The following DNAH2 variants were observed in gnomAD, a reference collection of about 807,000 sequenced individuals.
DNAH2 encodes dynein axonemal heavy chain 2.
Under a neutral mutation model 523.5 loss-of-function variants are expected in DNAH2, and 323 were observed. The ratio of observed to expected loss-of-function variants is 0.62; its 90% CI spans 0.56 to 0.68. DNAH2 has a LOEUF of 0.68. Among genes scored for constraint, DNAH2 ranks in the 30% least tolerant of loss-of-function variants. The probability of loss-of-function intolerance (pLI) is 0.00; values close to 1 mark genes in which losing one functional copy is unlikely to be tolerated. For missense variants in DNAH2, 4,907 were observed against 5,701.5 expected (o/e 0.86, Z 4.49); for synonymous variants, 2,093 against 2,177.4 (o/e 0.96, Z 1.08).
At chr17:7,779,128 CT>C (rs1341452621) in intron 35 of DNAH2, 114 bp from the exon 36 acceptor site, 2 of 1,260,526 alleles carry the variant, frequency 1.6e-6, no homozygotes, top group Non-Finnish European at 2.2e-6. Flanking sequence ...TCCCTGCCCC[CT>C]AGTCTGGAGG....
chr17:7,757,380 A>C, intron 13 of DNAH2, 143 bp downstream of exon 13: 1 of 1,100,348 alleles, frequency 9.1e-7, no homozygotes. Context: ...ATTGTCTCCC[A>C]CTCTTACGGC....
At chr17:7,756,487 G>A (rs2075842930) in intron 12 of DNAH2, among the ~76,000 whole-genome samples, 3 of 151,582 alleles carry the variant, frequency 2.0e-5, no homozygotes, top group Non-Finnish European at 4.4e-5. Context: ...TGTTGCCCAG[G>A]CTGGTCTCAA....
At chr17:7,747,652 T>C (rs2075555490) in intron 12 of DNAH2, among the ~76,000 whole-genome samples, 1 of 152,194 alleles carries the variant, frequency 6.6e-6, no homozygotes, top group South Asian at 2.1e-4. Context: ...AAGGCAACTT[T>C]GGGCCAAATA....
intron 61 of DNAH2, among the ~76,000 whole-genome samples, chr17:7,806,901 G>A (rs2077381802): frequency 6.6e-6 from 1 of 152,066 alleles, no homozygotes; most frequent in Non-Finnish European, 1.5e-5. Context: ...AGTGTAGGGT[G>A]GCTTGGCTGA....
Position 7,780,743 on chromosome 17 carries a change from C to T in DNAH2, c.5964C>T (p.Gly1988=). 1 of 1,614,260 alleles carries T rather than the reference C, an allele frequency of 6.2e-7. No individual in the cohort carries two copies. The highest frequency in any genetic ancestry group is 8.5e-7 in the Non-Finnish European group (1 of 1,180,052). Residue 1988 remains glycine (G), a synonymous_variant, in exon 38 of 86, where the codon GGC becomes GGT. Coordinates refer to ENST00000572933, the MANE Select transcript of DNAH2 (RefSeq NM_020877.5). This position sits in a 1 kb window ranked among gnomAD's most constrained non-coding sequence, Gnocchi z 4.4. ...RALTSLLRYA[G]KKRRLQPDLT... ...TCACCTCCCTTCTGCGCTATGCTGG[C>T]AAGAAGCGCCGCCTACAGCCGGATC...
rs147220152 is a variant in DNAH2 at position 7,754,386 on chromosome 17, G to A, written c.1905-2705G>A. On this transcript the variant is annotated intron_variant, in intron 12 of 85. Transcript: ENST00000572933. This position sits in a 1 kb window ranked among gnomAD's most constrained non-coding sequence, Gnocchi z 4.6. ...GGTGCTTCAGGAGCCGTGGCTTAAGGTGCAGACATGGCCAAGTCCACACCA... is the reference window on the plus strand; with the variant it reads ...GGTGCTTCAGGAGCCGTGGCTTAAGATGCAGACATGGCCAAGTCCACACCA... The A allele has an allele frequency of 2.5e-4, 142 of 562,162 alleles. 1 individual carries two copies. Among genetic ancestry groups the A allele is most frequent in the African/African-American group, 2.3e-3 (126 of 53,668 alleles). The allele number at this position is 562,162 out of a possible 1,614,324, so 34.8% of individuals were successfully genotyped here. A position where few individuals can be genotyped will look rare whatever the true frequency, so the allele number is the denominator to read the frequency against.
chr17:7,778,318 G>A lies in DNAH2; in HGVS notation c.5390G>A (p.Arg1797Gln), dbSNP rs1470024643. Residue 1797 changes from arginine (R) to glutamine (Q), a missense_variant, in exon 35 of 86, where the codon CGA becomes CAA. Physicochemically the swap from Arg to Gln is conservative, Grantham distance 43. This residue lies in a region of DNAH2 where 2,806 missense variants were observed against 3,190.8 expected (regional missense o/e 0.88). Transcript: ENST00000572933. ...CTGACCACGGCATTGCACCTGCACCGAGGGGGCTCCCCCAAAGGCCCTGCA... is the reference window on the plus strand; with the variant it reads ...CTGACCACGGCATTGCACCTGCACCAAGGGGGCTCCCCCAAAGGCCCTGCA... Reference protein sequence around the residue: ...MTLTTALHLHRGGSPKGPAGT... With the variant: ...MTLTTALHLHQGGSPKGPAGT... The A allele has an allele frequency of 1.2e-6, 2 of 1,614,176 alleles. No homozygotes were observed. The highest frequency in any genetic ancestry group is 2.2e-5 in the East Asian group (1 of 44,876).
intron 73 of DNAH2, among the ~76,000 whole-genome samples, chr17:7,822,131 C>T (rs1352587688): frequency 1.3e-5 from 2 of 152,168 alleles, no homozygotes; most frequent in African/African-American, 2.4e-5. Context: ...CCACCACGCC[C>T]GGCTAATTTT....
chr17:7,775,154 A>G, intron 29 of DNAH2, 87 bp from the exon 30 acceptor site: 1 of 1,377,396 alleles, frequency 7.3e-7, no homozygotes, highest in South Asian at 1.2e-5. Flanking sequence ...GGAGAGGAGC[A>G]GTAATTATCC....
chr17:7,746,955 C>A (rs2075534662), intron 12 of DNAH2, among the ~76,000 whole-genome samples: 3 of 150,848 alleles, frequency 2.0e-5, no homozygotes, highest in South Asian at 2.1e-4. Flanking sequence ...CCATTGCACT[C>A]CAGCCTGGGC....
chr17:7,773,314 T>C (rs1481533091), intron 28 of DNAH2, among the ~76,000 whole-genome samples: 1 of 152,206 alleles, frequency 6.6e-6, no homozygotes, highest in Non-Finnish European at 1.5e-5. Flanking sequence ...GCTTGCTAGA[T>C]TGTGTAAGTG....
chr17:7,776,745 A>G (rs752658725), intron 31 of DNAH2, 34 bp from the exon 32 acceptor site: 1 of 1,568,712 alleles, frequency 6.4e-7, no homozygotes, highest in South Asian at 1.1e-5. Flanking sequence ...AGCCAAGGAC[A>G]GGGCTTTGGG....
intron 56 of DNAH2, among the ~76,000 whole-genome samples, chr17:7,800,293 C>T (rs1316643758): frequency 1.3e-5 from 2 of 152,090 alleles, no homozygotes; most frequent in Non-Finnish European, 2.9e-5. Context: ...TCAAGTGATC[C>T]ACCCGCCTTG....
rs1597793645 is a variant in DNAH2 at position 7,828,599 on chromosome 17, T to C, written c.11854-1701T>C. Among the ~76,000 whole-genome samples the C allele has an allele frequency of 6.6e-6, 1 of 152,072 alleles. No individual in the cohort carries two copies. Among genetic ancestry groups the C allele is most frequent in the Non-Finnish European group, 1.5e-5 (1 of 68,020 alleles). On this transcript the variant is annotated intron_variant, in intron 77 of 85. Transcript: ENST00000572933. The surrounding 1 kb of genome is among the most constrained non-coding windows in gnomAD (Gnocchi z 4.1). ...TTTATTTTAATAAAATTCTGTAATG[T>C]TCTTTTTTTATTTTTTATTTTTTAA...
In DNAH2 at chr17:7,798,469, G is replaced by A; in HGVS notation, c.8399-89G>A. Reference sequence around the variant, plus strand: ...GATGGTGTCGCGTGTATGCTGCGGGGCGGGGAGGGTTCCTAAATCTCAGAA... The same window carrying A: ...GATGGTGTCGCGTGTATGCTGCGGGACGGGGAGGGTTCCTAAATCTCAGAA... On this transcript the variant is annotated intron_variant, in intron 54 of 85. Transcript: ENST00000572933. This position sits in a 1 kb window ranked among gnomAD's most constrained non-coding sequence, Gnocchi z 5.5. 1 of 1,562,628 alleles carries A rather than the reference G, an allele frequency of 6.4e-7. No homozygotes were observed. Among genetic ancestry groups the A allele is most frequent in the Non-Finnish European group, 8.7e-7 (1 of 1,156,046 alleles).
intron 27 of DNAH2, 88 bp downstream of exon 27, chr17:7,771,021 C>T: frequency 7.1e-7 from 1 of 1,417,198 alleles, no homozygotes; most frequent in Non-Finnish European, 9.6e-7. Flanking sequence ...TTATCAGCCT[C>T]ATTCTCCTAC....
intron 22 of DNAH2, among the ~76,000 whole-genome samples, chr17:7,767,609 CTT>C (rs373073103): frequency 2.3e-3 from 319 of 137,030 alleles, no homozygotes; most frequent in Middle Eastern, 3.7e-3. Flanking sequence ...ACTTATTTAC[CTT>C]TTTTTTTTTT....
In DNAH2 at chr17:7,801,677, C is replaced by T; in HGVS notation, c.8799C>T (p.Cys2933=). Reference sequence around the variant, plus strand: ...CCCTGCTCGAGGTGGCTGAGAAGTGCCTCATAGGAGTAGACCTGGGAACTC... The same window carrying T: ...CCCTGCTCGAGGTGGCTGAGAAGTGTCTCATAGGAGTAGACCTGGGAACTC... ...QEALLEVAEK[C]LIGVDLGTQE... is the part of the protein sequence containing the mutation. Residue 2933 remains cysteine (C), a synonymous_variant, in exon 57 of 86, where the codon TGC becomes TGT. Coordinates refer to ENST00000572933, the MANE Select transcript of DNAH2 (RefSeq NM_020877.5). 3.1e-6 allele frequency: 5 copies of T among 1,614,142 alleles called. No individual in the cohort carries two copies. Among genetic ancestry groups the T allele is most frequent in the Non-Finnish European group, 4.2e-6 (5 of 1,180,038 alleles).
chr17:7,830,236 C>T (rs1460587408), intron 77 of DNAH2, 64 bp from the exon 78 acceptor site: 29 of 1,534,254 alleles, frequency 1.9e-5, no homozygotes, highest in Admixed American at 8.8e-5. Context: ...CTGTACATGG[C>T]AGTGCTAGTG....
Sources: gnomAD v4.1 joint callset for allele counts (sites outside exome capture counted in the v4.1 genomes callset) on GRCh38, gnomAD v4.1.1 for gene constraint, gnomAD v4.1.1 regional missense constraint, Gnocchi (gnomAD v3.1) non-coding constraint, MANE v1.5 for transcripts, NCBI Gene and HGNC (gene_info 2026-07-23, HGNC 2026-07-21) for gene names.